Variants in CSF1R observed in about 807,000 individuals in gnomAD.
CSF1R encodes the protein colony stimulating factor 1 receptor.
Under a neutral mutation model 110.0 loss-of-function variants are expected in CSF1R, and 40 were observed. The ratio of observed to expected loss-of-function variants is 0.36; its 90% CI spans 0.28 to 0.47. The LOEUF (loss-of-function observed/expected upper bound fraction) is 0.47, where lower values mean the gene tolerates loss of function less well. Ranked by LOEUF, CSF1R falls within the 20% of genes least tolerant of loss-of-function variation. The pLI is 0.99. For synonymous variants in CSF1R, 523 were observed against 503.4 expected (o/e 1.04, Z -0.52); for missense variants, 1,052 against 1,253.0 (o/e 0.84, Z 2.42).
chr5:150,084,396 AAGGAAGGAAGGAAGGAAG>A (rs1758727203), intron 1 of CSF1R, among the ~76,000 whole-genome samples: 8 of 44,094 alleles, frequency 1.8e-4, no homozygotes, highest in Admixed American at 9.0e-4. Flanking sequence ...AGAAAGAAGG[AAGGAAGGAAGGAAGGAAG>A]GAAGGAAGGA....
intron 19 of CSF1R, 54 bp from the exon 20 acceptor site, chr5:150,054,484 ATT>A: frequency 6.2e-6 from 9 of 1,457,984 alleles, no homozygotes; most frequent in Non-Finnish European, 7.5e-6. Flanking sequence ...TCCAGGGGCC[ATT>A]AACACACACC....
intron 9 of CSF1R, among the ~76,000 whole-genome samples, chr5:150,069,031 C>A (rs1197742411): frequency 6.6e-6 from 1 of 152,218 alleles, no homozygotes; most frequent in Non-Finnish European, 1.5e-5. Context: ...CCACAAAGAG[C>A]TTAACACAGT....
intron 1 of CSF1R, among the ~76,000 whole-genome samples, chr5:150,111,279 A>G (rs928916428): frequency 6.6e-6 from 1 of 152,184 alleles, no homozygotes; most frequent in Non-Finnish European, 1.5e-5. Flanking sequence ...CCCGGCCGTG[A>G]GTGGGGTGGC....
intron 1 of CSF1R, among the ~76,000 whole-genome samples, chr5:150,100,206 A>G (rs1175875698): frequency 6.6e-6 from 1 of 151,746 alleles, no homozygotes; most frequent in African/African-American, 2.4e-5. Flanking sequence ...GATATGGATC[A>G]TATGGACACT....
Position 150,068,195 on chromosome 5 carries a change from C to A in CSF1R, c.1626+20G>T. 6.3e-7 allele frequency: 1 copy of A among 1,596,778 alleles called. No homozygotes were observed. On this transcript the variant is annotated intron_variant, in intron 10 of 20. Coordinates refer to ENST00000675795, the MANE Select transcript of CSF1R (RefSeq NM_001288705.3). The stretch of plus-strand genomic sequence containing the variant: ...CTGGCTCACTCAGGCACCTGGCAGC[C>A]CCACTCCGCTCCGGCTCACCTGCTT...
chr5:150,061,965 G>T, intron 10 of CSF1R, 116 bp from the exon 11 acceptor site: 1 of 1,405,000 alleles, frequency 7.1e-7, no homozygotes, highest in Non-Finnish European at 9.9e-7. Context: ...GTGGGAGAAG[G>T]CAGGGCAAGG....
At position 150,086,549 on chromosome 5, in the gene CSF1R, CTGTT is replaced by C. The variant is rs1758856156; in HGVS notation, c.-126_-123del. The C allele has an allele frequency of 4.4e-6, 4 of 908,670 alleles. No individual in the cohort carries two copies. Among genetic ancestry groups the C allele is most frequent in the Admixed American group, 4.6e-5 (2 of 43,800 alleles). 56.3% of individuals were successfully genotyped at this position (908,670 alleles called of 1,614,324 possible). Reference sequence around the variant, plus strand: ...CACACGTTCCTCTCCTCTGCACTGGCTGTTTGTCTTGTTTTCCTCTTCCTCCTCC... The same window carrying C: ...CACACGTTCCTCTCCTCTGCACTGGCTGTCTTGTTTTCCTCTTCCTCCTCC... On this transcript the variant is annotated 5_prime_UTR_variant, in exon 1 of 21. Coordinates refer to ENST00000675795, the MANE Select transcript of CSF1R (RefSeq NM_001288705.3).
chr5:150,073,487 G>T lies in CSF1R; in HGVS notation c.896C>A (p.Ala299Asp). The T allele has an allele frequency of 3.7e-6, 6 of 1,612,778 alleles. No individual in the cohort carries two copies. The highest frequency in any genetic ancestry group is 5.1e-6 in the Non-Finnish European group (6 of 1,179,066). Residue 299 changes from alanine (A) to aspartate (D), a missense_variant, in exon 6 of 21, where the codon GCC (alanine) becomes GAC (aspartate). By Grantham distance (126) the Ala-to-Asp change is moderately radical (BLOSUM62 -2). Coordinates refer to ENST00000675795, the MANE Select transcript of CSF1R (RefSeq NM_001288705.3). ...CTGCTCAGAGCTCAAGTTCAAGTAGGCACTCTCTGGAAAGCAGAACACACA... is the reference window on the plus strand; with the variant it reads ...CTGCTCAGAGCTCAAGTTCAAGTAGTCACTCTCTGGAAAGCAGAACACACA... Reference protein sequence around the residue: ...TSMFFRVVESAYLNLSSEQNL... With the variant: ...TSMFFRVVESDYLNLSSEQNL...
intron 7 of CSF1R, 23 bp from the exon 8 acceptor site, chr5:150,070,325 C>T: frequency 1.9e-6 from 3 of 1,610,662 alleles, no homozygotes; most frequent in Admixed American, 3.3e-5. Context: ...GGAGGAGGCC[C>T]CAAGTCACAC....
intron 1 of CSF1R, among the ~76,000 whole-genome samples, chr5:150,107,142 C>G (rs1376618185): frequency 6.6e-6 from 1 of 152,246 alleles, no homozygotes; most frequent in South Asian, 2.1e-4. Flanking sequence ...GCTCTCCACC[C>G]TCCAAAAGCA....
intron 10 of CSF1R, among the ~76,000 whole-genome samples, chr5:150,063,075 G>A (rs1186677709): frequency 6.6e-6 from 1 of 151,956 alleles, no homozygotes; most frequent in Admixed American, 6.6e-5. Context: ...GGCATGCAGT[G>A]GGGGCAGTCT....
intron 1 of CSF1R, among the ~76,000 whole-genome samples, chr5:150,100,981 G>A (rs1317457396): frequency 1.3e-5 from 2 of 151,682 alleles, no homozygotes; most frequent in African/African-American, 4.8e-5. Flanking sequence ...CCTCTTTATG[G>A]TATCCAAAGG....
chr5:150,099,743 G>C (rs556997795), intron 1 of CSF1R, among the ~76,000 whole-genome samples: 1 of 151,830 alleles, frequency 6.6e-6, no homozygotes, highest in East Asian at 1.9e-4. Flanking sequence ...GAACCGGCAG[G>C]GGGGTGGGGG....
At chr5:150,055,599 G>A (rs762523076) in intron 18 of CSF1R, among the ~76,000 whole-genome samples, 11 of 152,202 alleles carry the variant, frequency 7.2e-5, no homozygotes, top group Non-Finnish European at 1.2e-4. Context: ...GCTGTGTATC[G>A]TTAAAGTGTG....
chr5:150,065,720 G>C (rs1346855890), intron 10 of CSF1R, among the ~76,000 whole-genome samples: 1 of 152,244 alleles, frequency 6.6e-6, no homozygotes, highest in Non-Finnish European at 1.5e-5. Context: ...TCTGTGAATG[G>C]GTGTAGGGGA....
intron 6 of CSF1R, among the ~76,000 whole-genome samples, chr5:150,071,077 C>G (rs1758011917): frequency 6.6e-6 from 1 of 152,142 alleles, no homozygotes; most frequent in Admixed American, 6.5e-5. Flanking sequence ...TCTCTGATCC[C>G]TCACTTCCTT....
chr5:150,069,442 C>A (rs548423997), intron 9 of CSF1R, among the ~76,000 whole-genome samples: 11 of 152,272 alleles, frequency 7.2e-5, no homozygotes, highest in African/African-American at 2.6e-4. Context: ...AGAAGGCCGT[C>A]CTTAGCTGGC....
At chr5:150,101,956 A>C (rs1759417921) in intron 1 of CSF1R, among the ~76,000 whole-genome samples, 1 of 152,178 alleles carries the variant, frequency 6.6e-6, no homozygotes, top group Non-Finnish European at 1.5e-5. Context: ...ATTAGTTCAT[A>C]GAGATTTACC....
At chr5:150,074,019 T>C (rs1462004808) in intron 5 of CSF1R, among the ~76,000 whole-genome samples, 2 of 152,266 alleles carry the variant, frequency 1.3e-5, no homozygotes, top group African/African-American at 4.8e-5. Context: ...AACACTCAAT[T>C]CCATGATTTT....
Sources: gnomAD v4.1 joint callset for allele counts (sites outside exome capture counted in the v4.1 genomes callset) on GRCh38, gnomAD v4.1.1 for gene constraint, MANE v1.5 for transcripts, NCBI Gene and HGNC (gene_info 2026-07-23, HGNC 2026-07-21) for gene names.